Variants in DCAF6 observed in about 807,000 individuals in gnomAD.
The protein encoded by DCAF6 is DDB1 and CUL4 associated factor 6.
In DCAF6, 54 loss-of-function variants were observed where a neutral mutation model predicts 125.1. The observed-to-expected ratio is 0.43, with a 90% CI of 0.35 to 0.54. The LOEUF is 0.54. Among genes scored for constraint, DCAF6 ranks in the 20% least tolerant of loss-of-function variants. The pLI, the probability that DCAF6 is intolerant of heterozygous loss-of-function variation, is 0.01. For synonymous variants in DCAF6, 371 were observed against 390.4 expected, an observed-to-expected ratio of 0.95 and a Z score of 0.58; for missense variants, 934 against 1,161.7, an observed-to-expected ratio of 0.80 and a Z score of 2.85.
the DCAF6 span, among the ~76,000 whole-genome samples, chr1:167,906,636 A>C: frequency 6.6e-6 from 1 of 151,746 alleles, no homozygotes; most frequent in Non-Finnish European, 1.5e-5. Flanking sequence ...AAAAAAAAAA[A>C]AAAATTGCTG....
the DCAF6 span, among the ~76,000 whole-genome samples, chr1:167,920,795 A>T: frequency 6.6e-6 from 1 of 152,246 alleles, no homozygotes; most frequent in Non-Finnish European, 1.5e-5. Context: ...AAAAAGCACA[A>T]TGAATTAAAA....
intron 10 of DCAF6, among the ~76,000 whole-genome samples, chr1:168,009,953 A>G (rs1270012362): frequency 6.6e-6 from 1 of 150,672 alleles, no homozygotes; most frequent in Admixed American, 6.6e-5. Context: ...GATACGATTA[A>G]AAGTGTGATG....
At chr1:167,914,903 G>A in the DCAF6 span, among the ~76,000 whole-genome samples, 1 of 151,526 alleles carries the variant, frequency 6.6e-6, no homozygotes, top group Non-Finnish European at 1.5e-5. Flanking sequence ...GTCTTAGGGA[G>A]GAAAACAAGA....
intron 2 of DCAF6, among the ~76,000 whole-genome samples, chr1:167,957,315 T>C (rs1029776987): frequency 6.6e-6 from 1 of 152,166 alleles, no homozygotes; most frequent in African/African-American, 2.4e-5. Context: ...TCTCTACCAA[T>C]GTGCGTATTC....
chr1:167,905,196 C>T, the DCAF6 span: 16 of 1,592,212 alleles, frequency 1.0e-5, no homozygotes, highest in Non-Finnish European at 1.4e-5. Context: ...CCAAATAGGT[C>T]TTCTAAAAAG....
chr1:168,021,440 T>G (rs1007744112), intron 11 of DCAF6, among the ~76,000 whole-genome samples: 1 of 152,186 alleles, frequency 6.6e-6, no homozygotes, highest in South Asian at 2.1e-4. Flanking sequence ...AATTTATCTG[T>G]TCTTTAAAAA....
chr1:167,866,356 T>C, the DCAF6 span, among the ~76,000 whole-genome samples: 1 of 152,156 alleles, frequency 6.6e-6, no homozygotes, highest in Non-Finnish European at 1.5e-5. Flanking sequence ...TGAAATCAAA[T>C]AGCTACAAAA....
At chr1:167,871,734 A>G in the DCAF6 span, among the ~76,000 whole-genome samples, 1 of 152,254 alleles carries the variant, frequency 6.6e-6, no homozygotes, top group African/African-American at 2.4e-5. Context: ...TAATAAAAAG[A>G]AGCTAAGTGC....
chr1:167,931,514 A>G (rs1236357638), upstream of DCAF6, among the ~76,000 whole-genome samples: 2 of 151,842 alleles, frequency 1.3e-5, no homozygotes, highest in Admixed American at 6.6e-5. Flanking sequence ...ATGTATATTT[A>G]GTGTATTTAA....
At chr1:167,905,415 G>T in the DCAF6 span, among the ~76,000 whole-genome samples, 1 of 152,186 alleles carries the variant, frequency 6.6e-6, no homozygotes, top group Admixed American at 6.5e-5. Context: ...TTACAAAGAG[G>T]CTGGGGTGAA....
the DCAF6 span, among the ~76,000 whole-genome samples, chr1:167,878,017 T>C: frequency 6.6e-6 from 1 of 152,248 alleles, no homozygotes; most frequent in South Asian, 2.1e-4. Context: ...AAATCTATGC[T>C]GAGCTTTTGG....
the DCAF6 span, chr1:167,870,352 G>C: frequency 6.2e-7 from 1 of 1,613,386 alleles, no homozygotes. Context: ...CTTGGCTGCT[G>C]TTAGATATCA....
the DCAF6 span, among the ~76,000 whole-genome samples, chr1:167,911,227 G>A: frequency 6.6e-6 from 1 of 152,296 alleles, no homozygotes; most frequent in South Asian, 2.1e-4. Flanking sequence ...GTAAAGTAGA[G>A]GTTCCTCTTC....
At chr1:167,909,309 T>C in the DCAF6 span, among the ~76,000 whole-genome samples, 18 of 152,322 alleles carry the variant, frequency 1.2e-4, no homozygotes, top group African/African-American at 4.3e-4. Context: ...GTTCCCACTT[T>C]TAGACCATTA....
At chr1:167,935,922 A>G, upstream of DCAF6, 1 of 1,097,208 alleles carries the variant, frequency 9.1e-7, no homozygotes, top group Non-Finnish European at 1.4e-6. Flanking sequence ...GGAGCTAGTC[A>G]CTTTTCCTGC....
At chr1:167,894,523 G>C in the DCAF6 span, among the ~76,000 whole-genome samples, 3 of 152,128 alleles carry the variant, frequency 2.0e-5, no homozygotes, top group Admixed American at 6.5e-5. Flanking sequence ...AGACTGATAA[G>C]AGATGGTAGG....
chr1:167,996,333 C>T lies in DCAF6; in HGVS notation c.903+2893C>T, dbSNP rs532284271. Among the ~76,000 whole-genome samples the T allele has an allele frequency of 1.0e-3, 156 of 151,994 alleles. 1 individual carries two copies. The highest frequency in any genetic ancestry group is 3.6e-3 in the African/African-American group (151 of 41,428). ...CCACCTGCCCTACCCCATTATTGGGCTTCTTTGTTGAATTCATTCTTTCAT... is the reference window on the plus strand; with the variant it reads ...CCACCTGCCCTACCCCATTATTGGGTTTCTTTGTTGAATTCATTCTTTCAT... On this transcript the variant is annotated intron_variant, in intron 7 of 21. Coordinates refer to ENST00000367840, the MANE Select transcript of DCAF6 (RefSeq NM_001198956.2).
rs183758185 is a variant in DCAF6 at position 168,050,652 on chromosome 1, A to T, written c.2259-240A>T. 2.1e-3 allele frequency among the ~76,000 whole-genome samples: 316 copies of T among 152,294 alleles called. 2 individuals carry two copies. Among genetic ancestry groups the T allele is most frequent in the Middle Eastern group, 0.01 (3 of 294 alleles). On this transcript the variant is annotated intron_variant, in intron 16 of 21. Transcript: ENST00000367840. ...CTGATTTATTTAAAAGATAAAAGGG[A>T]TTAAGTGCAATGTCTTCCTTCTATT...
At chr1:167,918,889 G>A in the DCAF6 span, among the ~76,000 whole-genome samples, 10 of 151,940 alleles carry the variant, frequency 6.6e-5, no homozygotes, top group East Asian at 1.9e-4. Context: ...CACCATGCCC[G>A]GCCTGCCAAA....
Sources: allele counts gnomAD v4.1 joint callset (sites outside exome capture counted in the v4.1 genomes callset), GRCh38; gene constraint gnomAD v4.1.1; transcripts MANE v1.5; gene names NCBI Gene and HGNC (gene_info 2026-07-23, HGNC 2026-07-21).